MMP12: variants seen among roughly 807,000 people sequenced by gnomAD.
MMP12 encodes the protein macrophage metalloelastase.
Under a neutral mutation model 45.2 loss-of-function variants are expected in MMP12, and 51 were observed. That is an observed-to-expected ratio of 1.13 (90% confidence interval 0.90 to 1.42). The LOEUF (loss-of-function observed/expected upper bound fraction) is 1.42. Ranked by LOEUF, MMP12 falls within the 40% of genes most tolerant of loss-of-function variation. The probability of loss-of-function intolerance (pLI) is 0.00; values close to 1 mark genes in which losing one functional copy is unlikely to be tolerated. For synonymous variants in MMP12, 210 were observed against 193.3 expected (o/e 1.09, Z -0.72); for missense variants, 530 against 570.8 (o/e 0.93, Z 0.73).
Position 102,867,373 on chromosome 11 carries a change from G to A in MMP12, c.808C>T (p.Arg270Cys), listed in dbSNP as rs202044860. ...TCTGAATTGTCAGGATTTGGCAAGC[G>A]TTGGTTCTCTTTTGGGTCTCCTGAA... The part of the protein sequence containing the change: ...SLYGDPKENQ[R>C]LPNPDNSEPA... Residue 270 changes from arginine to cysteine, a missense_variant, in exon 6 of 10, where the codon CGC (arginine) becomes TGC (cysteine). Coordinates refer to ENST00000571244, the MANE Select transcript of MMP12 (RefSeq NM_002426.6). 211 of 1,609,524 alleles carry A rather than the reference G, an allele frequency of 1.3e-4. No homozygotes were observed. Among genetic ancestry groups the A allele is most frequent in the Admixed American group, 1.7e-4 (10 of 59,168 alleles).
chr11:102,873,070 G>C lies in MMP12; in HGVS notation c.145C>G (p.Pro49Ala). ...CCACTATATTTCATTTTTGTCACTG[G>C]AAGTTTGTTTATCTCAAGGCCATAA... is the stretch of plus-strand genomic sequence containing the variant. ...KFYGLEINKL[P>A]VTKMKYSGNL... is the part of the protein sequence containing the mutation. Residue 49 changes from proline to alanine, a missense_variant, in exon 2 of 10, where the codon CCA (proline) becomes GCA (alanine). Coordinates refer to ENST00000571244, the MANE Select transcript of MMP12 (RefSeq NM_002426.6). The C allele has an allele frequency of 6.2e-7, 1 of 1,612,928 alleles. No homozygotes were observed. Among genetic ancestry groups the C allele is most frequent in the South Asian group, 1.1e-5 (1 of 90,946 alleles).
chr11:102,866,231 T>C, intron 7 of MMP12, 84 bp downstream of exon 7: 1 of 1,327,156 alleles, frequency 7.5e-7, no homozygotes, highest in South Asian at 1.5e-5. Context: ...TCTTGGTCTA[T>C]ATCTATTAAA....
chr11:102,871,829 G>A lies in MMP12; in HGVS notation c.474C>T (p.Asp158=). The A allele has an allele frequency of 6.2e-7, 1 of 1,613,286 alleles. No individual in the cohort carries two copies. The highest frequency in any genetic ancestry group is 1.1e-5 in the South Asian group (1 of 90,794). ...KFSKINTGMA[D]ILVVFARGAH... is the part of the protein sequence containing the mutation. ...CTCCACGGGCAAAAACCACCAAAAT[G>A]TCAGCCATGCCTGTGTTAATCTTGC... Residue 158 remains aspartate, a synonymous_variant, in exon 3 of 10, where the codon GAC becomes GAT. Transcript: ENST00000571244.
intron 6 of MMP12, 60 bp downstream of exon 6, chr11:102,867,210 T>C (rs1555008661): frequency 2.1e-6 from 3 of 1,428,012 alleles, no homozygotes; most frequent in Admixed American, 2.9e-5. Context: ...CACTGTTTTC[T>C]GACAAAAAAA....
chr11:102,869,639 G>A (rs1356432633), intron 4 of MMP12, among the ~76,000 whole-genome samples: 5 of 151,940 alleles, frequency 3.3e-5, no homozygotes, highest in Non-Finnish European at 5.9e-5. Flanking sequence ...GGCTGGATGC[G>A]GTGACTCACA....
chr11:102,866,892 T>G (rs1859397891), intron 6 of MMP12, among the ~76,000 whole-genome samples: 1 of 152,198 alleles, frequency 6.6e-6, no homozygotes, highest in Non-Finnish European at 1.5e-5. Context: ...CCATAAGTTA[T>G]CCTGGAATTC....
intron 6 of MMP12, 61 bp from the exon 7 acceptor site, chr11:102,866,509 G>A: frequency 2.6e-6 from 4 of 1,548,994 alleles, no homozygotes; most frequent in Admixed American, 3.8e-5. Context: ...ACCATGGCAT[G>A]TGAATGGGAG....
In MMP12 at chr11:102,872,804, A is replaced by G; in HGVS notation, c.350+61T>C. The G allele has an allele frequency of 3.2e-6, 5 of 1,562,242 alleles. No individual in the cohort carries two copies. The South Asian group carries it at 4.7e-5, about 15-fold the overall frequency. ...AGATTTAGGGCTGTCTAACTGGTTC[A>G]GGTTAGAAGTCAGACCTATGGGAAA... On this transcript the variant is annotated intron_variant, in intron 2 of 9. Coordinates refer to ENST00000571244, the MANE Select transcript of MMP12 (RefSeq NM_002426.6).
At chr11:102,870,094 C>G (rs1274521941) in intron 4 of MMP12, among the ~76,000 whole-genome samples, 1 of 152,184 alleles carries the variant, frequency 6.6e-6, no homozygotes, top group Non-Finnish European at 1.5e-5. Context: ...AATGCATATT[C>G]TGGCCCAGCT....
Position 102,863,283 on chromosome 11 carries a change from T to C in MMP12, c.1313-83A>G, listed in dbSNP as rs575800961. ...CAACAACAACACAAATCTCTTCTCA[T>C]AGATTATCTAGAATAGATGACCTAT... On this transcript the variant is annotated intron_variant, in intron 9 of 9. Coordinates refer to ENST00000571244, the MANE Select transcript of MMP12 (RefSeq NM_002426.6). 141 of 810,408 alleles carry C rather than the reference T, an allele frequency of 1.7e-4. No individual in the cohort carries two copies. In the African/African-American group the frequency reaches 2.2e-3, roughly 13 times the overall value. 50.2% of individuals were successfully genotyped at this position (810,408 alleles called of 1,614,324 possible). A position where few individuals can be genotyped will look rare whatever the true frequency, so the allele number is the denominator to read the frequency against.
chr11:102,866,292 G>T, intron 7 of MMP12, 23 bp downstream of exon 7: 1 of 1,549,086 alleles, frequency 6.5e-7, no homozygotes, highest in Non-Finnish European at 8.7e-7. Flanking sequence ...AAACTCAATG[G>T]CAAAACTAAA....
In MMP12 at chr11:102,871,695, T is replaced by C; in HGVS notation, c.524A>G (p.Asp175Gly). ...RGAHGDFHAF[D>G]GKGGILAHAF... ...ATGGGCTAGGATTCCACCTTTGCCA[T>C]CAAAAGCATGGAAGTCTCCATGAGC... Residue 175 changes from aspartate (D) to glycine (G), a missense_variant, in exon 4 of 10, where the codon GAT (aspartate) becomes GGT (glycine). Asp to Gly is a moderately conservative substitution (Grantham distance 94). Coordinates refer to ENST00000571244, the MANE Select transcript of MMP12 (RefSeq NM_002426.6). 6.2e-7 allele frequency: 1 copy of C among 1,608,846 alleles called. No individual in the cohort carries two copies. Among genetic ancestry groups the C allele is most frequent in the Non-Finnish European group, 8.5e-7 (1 of 1,177,352 alleles).
Position 102,872,901 on chromosome 11 carries a change from C to G in MMP12, c.314G>C (p.Gly105Ala). 2.5e-6 allele frequency: 4 copies of G among 1,613,810 alleles called. No homozygotes were observed. Among genetic ancestry groups the G allele is most frequent in the South Asian group, 2.2e-5 (2 of 91,030 alleles). ...ATAATGTTTCCTCCATACGGGCCCC[C>G]CTGGCATTTCCCTGAAATGATGGAC... ...PDVHHFREMPGGPVWRKHYIT... is the reference protein window; with the variant it reads ...PDVHHFREMPAGPVWRKHYIT... Residue 105 changes from glycine (G) to alanine (A), a missense_variant, in exon 2 of 10, where the codon GGG (glycine) becomes GCG (alanine). Transcript: ENST00000571244.
chr11:102,870,321 G>A (rs1859468920), intron 4 of MMP12, among the ~76,000 whole-genome samples: 1 of 152,176 alleles, frequency 6.6e-6, no homozygotes, highest in Non-Finnish European at 1.5e-5. Flanking sequence ...AGGATTTGCA[G>A]TTTAGCAACT....
At chr11:102,872,152 C>A (rs1361032105) in intron 2 of MMP12, among the ~76,000 whole-genome samples, 200 bp from the exon 3 acceptor site, 1 of 152,158 alleles carries the variant, frequency 6.6e-6, no homozygotes, top group Non-Finnish European at 1.5e-5. Flanking sequence ...AACTTAATTT[C>A]TTCCTATTTA....
Position 102,862,899 on chromosome 11 carries a change from G to A in MMP12, c.*201C>T. The A allele has an allele frequency of 2.6e-6, 1 of 381,358 alleles. No individual in the cohort carries two copies. The highest frequency in any genetic ancestry group is 4.6e-5 in the Admixed American group (1 of 21,832). 23.6% of individuals were successfully genotyped at this position (381,358 alleles called of 1,614,324 possible). On this transcript the variant is annotated 3_prime_UTR_variant, in exon 10 of 10. Transcript: ENST00000571244. ...AAGGTAACTATTTTCAAACTTAATA[G>A]TAGAGTCAAGCAAGAATGGACAATT...
intron 4 of MMP12, 37 bp from the exon 5 acceptor site, chr11:102,868,106 C>A (rs1418825908): frequency 1.3e-6 from 2 of 1,508,716 alleles, no homozygotes; most frequent in South Asian, 2.4e-5. Context: ...CTGTGAAATG[C>A]ATTATCATCT....
rs142610870 is a variant in MMP12, at chr11:102,871,591, C to T, written c.625+3G>A. Reference sequence around the variant, plus strand: ...TGTTTGTTTGTTTGTTTGTTTTGCCCACCTCCTGAATGTGTAGTCCAGAAT... The same window carrying T: ...TGTTTGTTTGTTTGTTTGTTTTGCCTACCTCCTGAATGTGTAGTCCAGAAT... On this transcript the variant is annotated splice_donor_region_variant and intron_variant, in intron 4 of 9. Coordinates refer to ENST00000571244, the MANE Select transcript of MMP12 (RefSeq NM_002426.6). 9.5e-5 allele frequency: 147 copies of T among 1,551,498 alleles called. No homozygotes were observed. The African/African-American group carries it at 9.8e-4, about 10-fold the overall frequency.
At chr11:102,871,191 C>T (rs912798951) in intron 4 of MMP12, among the ~76,000 whole-genome samples, 5 of 151,964 alleles carry the variant, frequency 3.3e-5, no homozygotes, top group Non-Finnish European at 7.4e-5. Flanking sequence ...CATCATGATA[C>T]GTGATGCCAG....
Sources: gnomAD v4.1 joint callset for allele counts (sites outside exome capture counted in the v4.1 genomes callset) on GRCh38, gnomAD v4.1.1 for gene constraint, MANE v1.5 for transcripts, NCBI Gene and HGNC (gene_info 2026-07-23, HGNC 2026-07-21) for gene names.